ARHGAP27: variants seen among roughly 807,000 people sequenced by gnomAD.
The protein encoded by ARHGAP27 is Rho GTPase activating protein 27.
Under a neutral mutation model 102.0 loss-of-function variants are expected in ARHGAP27, and 53 were observed. The ratio of observed to expected loss-of-function variants is 0.52; its 90% CI spans 0.42 to 0.65. The LOEUF (loss-of-function observed/expected upper bound fraction) is 0.65. Ranked by LOEUF, ARHGAP27 falls within the 30% of genes least tolerant of loss-of-function variation. The pLI, the probability that ARHGAP27 is intolerant of heterozygous loss-of-function variation, is 0.00. For missense variants in ARHGAP27, 1,117 were observed against 1,256.2 expected (o/e 0.89, Z 1.68); for synonymous variants, 525 against 542.8 (o/e 0.97, Z 0.46).
chr17:45,401,413 T>G (rs1009226160), intron 12 of ARHGAP27, among the ~76,000 whole-genome samples: 2 of 152,248 alleles, frequency 1.3e-5, no homozygotes, highest in Non-Finnish European at 1.5e-5. Flanking sequence ...GAGTAGCTCA[T>G]GAGATGAAAC....
At chr17:45,405,196 T>C in intron 5 of ARHGAP27, 90 bp from the exon 6 acceptor site, 1 of 1,384,302 alleles carries the variant, frequency 7.2e-7, no homozygotes, top group Non-Finnish European at 9.7e-7. Flanking sequence ...CCCCCTTGCC[T>C]TCTGGTCCCT....
chr17:45,405,042 G>A lies in ARHGAP27; in HGVS notation c.1130C>T (p.Pro377Leu), dbSNP rs745892851. Reference sequence around the variant, plus strand: ...GCCGGGCTCACCGAAAGAGCCCACGGGAGAATAGTCCTCCTCGGGGTAACT... The same window carrying A: ...GCCGGGCTCACCGAAAGAGCCCACGAGAGAATAGTCCTCCTCGGGGTAACT... ...LTSYPEEDYS[P>L]VGSFGEPGPT... The change falls in exon 6 of 20, where the codon CCC (proline) becomes CTC (leucine). Residue 377 changes from proline (P) to leucine (L), a missense_variant. Physicochemically the swap from Pro to Leu is moderately conservative, Grantham distance 98. Around this residue, in one of 3 missense-constraint regions of ARHGAP27, gnomAD observed 610 missense variants for 716.4 expected, o/e 0.85. Transcript: ENST00000685559. The A allele has an allele frequency of 6.2e-7, 1 of 1,613,452 alleles. No individual in the cohort carries two copies. The highest frequency in any genetic ancestry group is 2.2e-5 in the East Asian group (1 of 44,870).
chr17:45,401,232 G>A (rs1295986826), intron 12 of ARHGAP27, among the ~76,000 whole-genome samples: 7 of 152,108 alleles, frequency 4.6e-5, no homozygotes, highest in African/African-American at 7.2e-5. Flanking sequence ...CTAGCTACTC[G>A]GAAGCCTTAG....
intron 4 of ARHGAP27, among the ~76,000 whole-genome samples, chr17:45,418,511 G>A (rs1443746565): frequency 1.3e-5 from 2 of 152,142 alleles, no homozygotes; most frequent in African/African-American, 4.8e-5. Context: ...TTTCTCACCT[G>A]GAAACAGACT....
At chr17:45,423,836 C>T (rs757691470) in intron 4 of ARHGAP27, among the ~76,000 whole-genome samples, 1 of 152,200 alleles carries the variant, frequency 6.6e-6, no homozygotes, top group Non-Finnish European at 1.5e-5. Context: ...CCAAGAGATA[C>T]GCATAAGAAG....
intron 12 of ARHGAP27, among the ~76,000 whole-genome samples, chr17:45,399,347 CT>C (rs2046140252): frequency 6.6e-6 from 1 of 152,134 alleles, no homozygotes; most frequent in South Asian, 2.1e-4. Context: ...AATCCCAGCA[CT>C]TTGGGAGGCT....
chr17:45,405,053 C>T lies in ARHGAP27; in HGVS notation c.1119G>A (p.Glu373=), dbSNP rs2046966087. Residue 373 remains glutamate, a synonymous_variant, in exon 6 of 20, where the codon GAG becomes GAA. Coordinates refer to ENST00000685559, the MANE Select transcript of ARHGAP27 (RefSeq NM_001282290.2). ...CGAAAGAGCCCACGGGAGAATAGTC[C>T]TCCTCGGGGTAACTGGTCAGCGACT... ...YPESLTSYPE[E]DYSPVGSFGE... is the part of the protein sequence containing the mutation. 1 of 1,611,028 alleles carries T rather than the reference C, an allele frequency of 6.2e-7. No individual in the cohort carries two copies. Among genetic ancestry groups the T allele is most frequent in the Non-Finnish European group, 8.5e-7 (1 of 1,178,006 alleles).
chr17:45,430,375 G>T lies in ARHGAP27; in HGVS notation c.-18-78C>A. 2 of 1,479,788 alleles carry T rather than the reference G, an allele frequency of 1.4e-6. No homozygotes were observed. The highest frequency in any genetic ancestry group is 2.6e-5 in the South Asian group (2 of 75,978). The allele number at this position is 1,479,788 out of a possible 1,614,324, so 91.7% of individuals were successfully genotyped here. A position where few individuals can be genotyped will look rare whatever the true frequency, so the allele number is the denominator to read the frequency against. Reference sequence around the variant, plus strand: ...TAGCCCCGCACTCGGGGACAGACTTGGGTTCGAGTCCCGATCCTGCACTCG... The same window carrying T: ...TAGCCCCGCACTCGGGGACAGACTTTGGTTCGAGTCCCGATCCTGCACTCG... On this transcript the variant is annotated intron_variant, in intron 3 of 19. Transcript: ENST00000685559. This position sits in a 1 kb window ranked among gnomAD's most constrained non-coding sequence, Gnocchi z 4.4.
At chr17:45,416,876 C>T (rs561824578) in intron 4 of ARHGAP27, among the ~76,000 whole-genome samples, 3 of 147,994 alleles carry the variant, frequency 2.0e-5, no homozygotes, top group Admixed American at 1.3e-4. Context: ...TATTATTGGC[C>T]GGGCGCGGTG....
intron 12 of ARHGAP27, among the ~76,000 whole-genome samples, chr17:45,399,948 C>A (rs935478303): frequency 3.3e-5 from 5 of 152,190 alleles, no homozygotes; most frequent in African/African-American, 1.2e-4. Flanking sequence ...GGGAGGAGTC[C>A]TTGAGACCAG....
chr17:45,432,169 C>T, intron 2 of ARHGAP27, 47 bp downstream of exon 2: 1 of 186,268 alleles, frequency 5.4e-6, no homozygotes. Context: ...CGAGCCCTTC[C>T]AACCGGATTG....
rs2045511453 is a variant in ARHGAP27 at position 45,395,626 on chromosome 17, C to T, written c.2500G>A (p.Glu834Lys). 1.9e-6 allele frequency: 3 copies of T among 1,604,192 alleles called. No homozygotes were observed. Among genetic ancestry groups the T allele is most frequent in the African/African-American group, 2.7e-5 (2 of 74,774 alleles). The change falls in exon 20 of 20, where the codon GAG (glutamate) becomes AAG (lysine). Residue 834 changes from glutamate (E) to lysine (K), a missense_variant. Glu to Lys is a moderately conservative substitution (Grantham distance 56). Transcript: ENST00000685559. ...MLFQHLCRVIEHGEQNRMSVQ... is the reference protein window; with the variant it reads ...MLFQHLCRVIKHGEQNRMSVQ... ...GACATGCGGTTCTGCTCGCCGTGCT[C>T]GATCACCCTGTGGCAGGGGTGGGTG...
In ARHGAP27 at chr17:45,398,043, C is replaced by A; in HGVS notation, c.1748G>T (p.Arg583Leu). The A allele has an allele frequency of 6.2e-7, 1 of 1,601,600 alleles. No homozygotes were observed. The highest frequency in any genetic ancestry group is 2.2e-5 in the East Asian group (1 of 44,644). Residue 583 changes from arginine (R) to leucine (L), a missense_variant, in exon 13 of 20, where the codon CGG becomes CTG. Arg to Leu is a moderately radical substitution (Grantham distance 102). Coordinates refer to ENST00000685559, the MANE Select transcript of ARHGAP27 (RefSeq NM_001282290.2). The part of the protein sequence containing the change: ...KSSRKNVLEL[R>L]SRDGSEYLIQ... ...CAGGTACTCAGAGCCATCTCGGCTCCGTAGCTGGAGGGACACAAGTCAGTG... is the reference window on the plus strand; with the variant it reads ...CAGGTACTCAGAGCCATCTCGGCTCAGTAGCTGGAGGGACACAAGTCAGTG...
chr17:45,432,412 C>T (rs56020833), intron 1 of ARHGAP27, 63 bp from the exon 2 acceptor site: 18,421 of 152,988 alleles, frequency 0.12, 1,541 homozygotes, highest in Middle Eastern at 0.21. Context: ...AGCGCGACAG[C>T]GCACCAGTCG....
At chr17:45,413,983 G>A (rs1422606134) in intron 4 of ARHGAP27, among the ~76,000 whole-genome samples, 2 of 152,138 alleles carry the variant, frequency 1.3e-5, no homozygotes, top group Non-Finnish European at 2.9e-5. Flanking sequence ...GCGTGCGCCT[G>A]TAATTCCAGC....
chr17:45,401,423 C>T (rs1198532004), intron 12 of ARHGAP27, among the ~76,000 whole-genome samples: 1 of 152,214 alleles, frequency 6.6e-6, no homozygotes, highest in East Asian at 1.9e-4. Context: ...TGAGATGAAA[C>T]CAGTTTTCCA....
At chr17:45,399,591 C>CAAAGAAAAAAGAAAAGAAAAGAAAAGA (rs1676952110) in intron 12 of ARHGAP27, among the ~76,000 whole-genome samples, 1 of 141,128 alleles carries the variant, frequency 7.1e-6, no homozygotes, top group Non-Finnish European at 1.5e-5. Flanking sequence ...CACTCTGTCT[C>CAAAGAAAAAAGAAAAGAAAAGAAAAGA]AAAGAAAAGA....
chr17:45,422,447 C>T (rs781613713), intron 4 of ARHGAP27, among the ~76,000 whole-genome samples: 4 of 151,220 alleles, frequency 2.6e-5, no homozygotes, highest in South Asian at 2.1e-4. Flanking sequence ...GTGACATATA[C>T]AAGAAATTAG....
chr17:45,396,746 T>G lies in ARHGAP27; in HGVS notation c.1996A>C (p.Lys666Gln), dbSNP rs2045766522. 1 of 1,613,718 alleles carries G rather than the reference T, an allele frequency of 6.2e-7. No homozygotes were observed. The highest frequency in any genetic ancestry group is 8.5e-7 in the Non-Finnish European group (1 of 1,179,750). ...AACTTGCGGAGCTTGTGCCGGACCT[T>G]GCTCAAGTCGCTCTCCAGGCCCACG... is the stretch of plus-strand genomic sequence containing the variant. ...GPVGLESDLS[K>Q]VRHKLRKFLQ... Residue 666 changes from lysine (K) to glutamine (Q), a missense_variant, in exon 15 of 20, where the codon AAG becomes CAG. This residue lies in a region of ARHGAP27 where 493 missense variants were observed against 505.5 expected (regional missense o/e 0.98). Coordinates refer to ENST00000685559, the MANE Select transcript of ARHGAP27 (RefSeq NM_001282290.2).
Sources: allele counts gnomAD v4.1 joint callset (sites outside exome capture counted in the v4.1 genomes callset), GRCh38; gene constraint gnomAD v4.1.1; regional missense constraint gnomAD v4.1.1; non-coding constraint Gnocchi (gnomAD v3.1); transcripts MANE v1.5; gene names NCBI Gene and HGNC (gene_info 2026-07-23, HGNC 2026-07-21).